Variants in MYH9 observed in about 807,000 individuals in gnomAD.
MYH9 encodes myosin heavy chain 9, also known as myosin-9.
Under a neutral mutation model 241.9 loss-of-function variants are expected in MYH9, and 29 were observed. The observed-to-expected ratio is 0.12, with a 90% CI of 0.09 to 0.16. MYH9 has a LOEUF of 0.16. Ranked by LOEUF, MYH9 falls within the 10% of genes least tolerant of loss-of-function variation. MYH9 has a pLI of 1.00. For synonymous variants in MYH9, 1,047 were observed against 1,062.6 expected, an observed-to-expected ratio of 0.99 and a Z score of 0.29; for missense variants, 1,803 against 2,595.5, an observed-to-expected ratio of 0.69 and a Z score of 6.63.
intron 1 of MYH9, among the ~76,000 whole-genome samples, chr22:36,362,488 T>C (rs748058512): frequency 3.3e-5 from 5 of 152,128 alleles, no homozygotes; most frequent in African/African-American, 1.2e-4. Context: ...GACATGGCTT[T>C]AGATCCTCAG....
At chr22:36,313,673 G>C (rs2146356227) in intron 13 of MYH9, among the ~76,000 whole-genome samples, 1 of 152,198 alleles carries the variant, frequency 6.6e-6, no homozygotes, top group East Asian at 1.9e-4. Flanking sequence ...TTTATGGGGG[G>C]GATGAGCTGA....
rs1463295070 is a variant in MYH9 at position 36,305,530 on chromosome 22, G to GA, written c.2159+399dup. 2.6e-5 allele frequency among the ~76,000 whole-genome samples: 4 copies of GA among 152,228 alleles called. No individual in the cohort carries two copies. Among genetic ancestry groups the GA allele is most frequent in the Non-Finnish European group, 5.9e-5 (4 of 68,042 alleles). ...ACTGACACTCAGCACAGTCATTAGAGAAACAGGAAGGTGTCGCCGTCTTCG... is the reference window on the plus strand; with the variant it reads ...ACTGACACTCAGCACAGTCATTAGAGAAAACAGGAAGGTGTCGCCGTCTTCG... On this transcript the variant is annotated intron_variant, in intron 17 of 40. Coordinates refer to ENST00000216181, the MANE Select transcript of MYH9 (RefSeq NM_002473.6). This position sits in a 1 kb window ranked among gnomAD's most constrained non-coding sequence, Gnocchi z 4.7.
At position 36,329,866 on chromosome 22, in the gene MYH9, T is replaced by C. The variant is rs1356630683; in HGVS notation, c.491-2378A>G. Among the ~76,000 whole-genome samples, 1 of 152,172 alleles carries C rather than the reference T, an allele frequency of 6.6e-6. No homozygotes were observed. Among genetic ancestry groups the C allele is most frequent in the African/African-American group, 2.4e-5 (1 of 41,426 alleles). On this transcript the variant is annotated intron_variant, in intron 3 of 40. Coordinates refer to ENST00000216181, the MANE Select transcript of MYH9 (RefSeq NM_002473.6). This position sits in a 1 kb window ranked among gnomAD's most constrained non-coding sequence, Gnocchi z 4.1. ...GGAGGTAGGTGTACAGAGGTACGTG[T>C]GCACAGAAATACATGCGCACACACG...
chr22:36,294,904 C>T (rs771429809), intron 27 of MYH9, 28 bp downstream of exon 27: 1 of 1,608,818 alleles, frequency 6.2e-7, no homozygotes, highest in Non-Finnish European at 8.5e-7. Context: ...CCCTGCCCTC[C>T]CCCTGCGGTC....
chr22:36,311,905 T>A (rs1472728862), intron 14 of MYH9, 144 bp downstream of exon 14: 20 of 920,538 alleles, frequency 2.2e-5, no homozygotes, highest in Non-Finnish European at 3.0e-5. Flanking sequence ...ACCGGCCACA[T>A]TACTGGGTGA....
At chr22:36,301,703 G>C in intron 20 of MYH9, 38 bp from the exon 21 acceptor site, 1 of 1,606,100 alleles carries the variant, frequency 6.2e-7, no homozygotes, top group Non-Finnish European at 8.5e-7. Context: ...TGCTCGGCTG[G>C]AAGATGCCCG....
At chr22:36,363,051 A>G (rs1603484343) in intron 1 of MYH9, among the ~76,000 whole-genome samples, 1 of 152,200 alleles carries the variant, frequency 6.6e-6, no homozygotes, top group East Asian at 1.9e-4. Flanking sequence ...GCTGTCACCC[A>G]GAGACAAGCT....
At chr22:36,379,167 G>A (rs1007465634) in intron 1 of MYH9, among the ~76,000 whole-genome samples, 2 of 152,108 alleles carry the variant, frequency 1.3e-5, no homozygotes. Context: ...TTTGGTGAGT[G>A]GCAACCTACT....
At chr22:36,310,335 G>A (rs908378853) in intron 14 of MYH9, among the ~76,000 whole-genome samples, 5 of 152,062 alleles carry the variant, frequency 3.3e-5, no homozygotes, top group African/African-American at 1.2e-4. Flanking sequence ...CAAACGTCTG[G>A]GCTCAAACTG....
chr22:36,337,766 C>T (rs533732258), intron 3 of MYH9, among the ~76,000 whole-genome samples: 1 of 152,270 alleles, frequency 6.6e-6, no homozygotes, highest in Non-Finnish European at 1.5e-5. Context: ...GACTTCACTC[C>T]AAAAGACAGG....
At chr22:36,376,355 C>T (rs2018167156) in intron 1 of MYH9, among the ~76,000 whole-genome samples, 3 of 152,184 alleles carry the variant, frequency 2.0e-5, no homozygotes. Flanking sequence ...CATCCTCCCT[C>T]CTCCTCCCAG....
intron 24 of MYH9, among the ~76,000 whole-genome samples, chr22:36,298,262 C>T (rs963686195): frequency 2.6e-5 from 4 of 152,126 alleles, no homozygotes; most frequent in Non-Finnish European, 5.9e-5. Flanking sequence ...CAGCTGTCCA[C>T]TCCTCTCAAG....
chr22:36,364,577 A>G (rs2017981468), intron 1 of MYH9, among the ~76,000 whole-genome samples: 1 of 152,128 alleles, frequency 6.6e-6, no homozygotes, highest in Admixed American at 6.5e-5. Context: ...GTGGCCATCC[A>G]GGGTCCTCAC....
chr22:36,349,710 C>G (rs1395553045), intron 1 of MYH9, among the ~76,000 whole-genome samples: 1 of 152,142 alleles, frequency 6.6e-6, no homozygotes, highest in Non-Finnish European at 1.5e-5. Flanking sequence ...GCCTGGGCAA[C>G]AGAAAAACAA....
intron 1 of MYH9, among the ~76,000 whole-genome samples, chr22:36,368,858 C>T (rs1007974281): frequency 1.9e-4 from 28 of 145,478 alleles, no homozygotes; most frequent in African/African-American, 6.7e-4. Flanking sequence ...CTGCCCCGTC[C>T]GCGATAGAGC....
intron 21 of MYH9, 113 bp downstream of exon 21, chr22:36,301,421 T>C (rs1403097726): frequency 2.0e-5 from 29 of 1,429,588 alleles, no homozygotes; most frequent in Middle Eastern, 1.8e-4. Flanking sequence ...AACTCAGTTG[T>C]AGAAAACTCC....
At chr22:36,328,908 A>G (rs998826074) in intron 3 of MYH9, 3 of 152,328 alleles carry the variant, frequency 2.0e-5, no homozygotes, top group African/African-American at 7.2e-5. Context: ...GTTCAACACC[A>G]GTAGCCACCG....
chr22:36,350,225 AAAC>A (rs1467362509), intron 1 of MYH9, among the ~76,000 whole-genome samples: 1 of 152,196 alleles, frequency 6.6e-6, no homozygotes, highest in Admixed American at 6.5e-5. Flanking sequence ...GCTTTTTTCA[AAAC>A]TCATTTGCAA....
intron 31 of MYH9, among the ~76,000 whole-genome samples, chr22:36,290,217 C>G (rs578185109): frequency 4.6e-5 from 7 of 151,536 alleles, no homozygotes; most frequent in Admixed American, 4.6e-4. Context: ...TAAAAATTAG[C>G]TGGGTGTGGT....
Sources: gnomAD v4.1 joint callset for allele counts (sites outside exome capture counted in the v4.1 genomes callset) on GRCh38, gnomAD v4.1.1 for gene constraint, Gnocchi (gnomAD v3.1) non-coding constraint, MANE v1.5 for transcripts, NCBI Gene and HGNC (gene_info 2026-07-23, HGNC 2026-07-21) for gene names.